SNTG1: variants seen among roughly 807,000 people sequenced by gnomAD.
The protein encoded by SNTG1 is gamma-1-syntrophin.
A neutral mutation model predicts 74.7 loss-of-function variants in SNTG1; 39 were observed. The observed-to-expected ratio is 0.52, with a 90% CI of 0.40 to 0.68. SNTG1 has a LOEUF of 0.68. Ranked by LOEUF, SNTG1 falls within the 30% of genes least tolerant of loss-of-function variation. The pLI, the probability that SNTG1 is intolerant of heterozygous loss-of-function variation, is 0.00. For synonymous variants in SNTG1, 254 were observed against 217.1 expected, an observed-to-expected ratio of 1.17 and a Z score of -1.49; for missense variants, 685 against 609.5, an observed-to-expected ratio of 1.12 and a Z score of -1.30.
At position 50,537,212 on chromosome 8, in the gene SNTG1, C is replaced by T. The variant is rs191406803; in HGVS notation, c.680+404C>T. 2.2e-3 allele frequency among the ~76,000 whole-genome samples: 336 copies of T among 152,280 alleles called. 2 individuals are homozygous for T. The highest frequency in any genetic ancestry group is 1.9e-3 in the Non-Finnish European group (128 of 68,022). ...TGATCTTAGCTCACTGCAACCTCCA[C>T]CTCCTGAGTTCAGGTGATCCTCCCA... On this transcript the variant is annotated intron_variant, in intron 11 of 18. Transcript: ENST00000642720.
chr8:50,455,510 G>C lies in SNTG1; in HGVS notation c.363+4781G>C, dbSNP rs2093496987. Among the ~76,000 whole-genome samples the C allele has an allele frequency of 2.0e-5, 3 of 152,278 alleles. No homozygotes were observed. In the South Asian group the frequency reaches 6.2e-4, roughly 32 times the overall value. The stretch of plus-strand genomic sequence containing the variant: ...GAACAGACTGAGTAACTAAAAGTAT[G>C]TAATTTAAAATGACACCTTCATACA... On this transcript the variant is annotated intron_variant, in intron 8 of 18. Coordinates refer to ENST00000642720, the MANE Select transcript of SNTG1 (RefSeq NM_018967.5).
In SNTG1 at chr8:50,113,628, G is replaced by A. The variant is rs549908813; in HGVS notation, c.-102-58933G>A. 6.6e-5 allele frequency among the ~76,000 whole-genome samples: 10 copies of A among 152,298 alleles called. 1 individual carries two copies. In the South Asian group the frequency reaches 2.1e-3, roughly 32 times the overall value. On this transcript the variant is annotated intron_variant, in intron 1 of 18. Coordinates refer to ENST00000642720, the MANE Select transcript of SNTG1 (RefSeq NM_018967.5). Reference sequence around the variant, plus strand: ...AGAACTTCCAACACTATGTTGAATAGGAGTGGTGAGAGAGGGCATCCCTGT... The same window carrying A: ...AGAACTTCCAACACTATGTTGAATAAGAGTGGTGAGAGAGGGCATCCCTGT...
chr8:49,937,110 C>CT (rs1808156133), intron 1 of SNTG1, among the ~76,000 whole-genome samples: 1 of 152,200 alleles, frequency 6.6e-6, no homozygotes, highest in Non-Finnish European at 1.5e-5. Flanking sequence ...GATAGCGCCA[C>CT]TGCACTCCAG....
intron 4 of SNTG1, among the ~76,000 whole-genome samples, chr8:50,437,681 T>C (rs2093318363): frequency 6.6e-6 from 1 of 152,172 alleles, no homozygotes; most frequent in Non-Finnish European, 1.5e-5. Flanking sequence ...GTGTCTCAAA[T>C]GATTCTGCAT....
chr8:49,923,815 A>G (rs1004168718), intron 1 of SNTG1, among the ~76,000 whole-genome samples: 1 of 152,208 alleles, frequency 6.6e-6, no homozygotes, highest in Non-Finnish European at 1.5e-5. Context: ...AGTGTTTTGA[A>G]CAAGGAGATC....
chr8:50,120,636 G>A (rs550050705), intron 1 of SNTG1, among the ~76,000 whole-genome samples: 1 of 141,138 alleles, frequency 7.1e-6, no homozygotes, highest in South Asian at 2.6e-4. Context: ...CATCACCTCT[G>A]TCACTACCAA....
intron 13 of SNTG1, among the ~76,000 whole-genome samples, chr8:50,641,889 TCA>T (rs1301331456): frequency 6.6e-6 from 1 of 152,160 alleles, no homozygotes; most frequent in Non-Finnish European, 1.5e-5. Context: ...TTGTACACAT[TCA>T]CAGTTTCAAG....
chr8:50,276,420 T>A (rs1260563630), intron 2 of SNTG1, among the ~76,000 whole-genome samples: 2 of 148,322 alleles, frequency 1.3e-5, no homozygotes, highest in African/African-American at 5.0e-5. Flanking sequence ...AATCATATAT[T>A]AACTAACTAA....
chr8:50,784,793 T>G (rs2095670017), intron 18 of SNTG1, among the ~76,000 whole-genome samples: 3 of 152,204 alleles, frequency 2.0e-5, no homozygotes, highest in African/African-American at 7.2e-5. Flanking sequence ...TAAGATCACT[T>G]GTATGTCAGG....
chr8:49,917,407 A>AGTTC (rs1806144238), intron 1 of SNTG1, among the ~76,000 whole-genome samples: 2 of 152,162 alleles, frequency 1.3e-5, no homozygotes, highest in Admixed American at 6.5e-5. Flanking sequence ...ATCAGACTTA[A>AGTTC]GTTCGAATCC....
intron 17 of SNTG1, among the ~76,000 whole-genome samples, chr8:50,735,767 G>A (rs1028662818): frequency 1.3e-5 from 2 of 151,910 alleles, no homozygotes; most frequent in East Asian, 1.9e-4. Context: ...AGGAAATACA[G>A]AGAACACCAC....
rs762076374 is a variant in SNTG1, at chr8:50,792,691, A to C, written c.1416A>C (p.Leu472Phe). The C allele has an allele frequency of 6.2e-7, 1 of 1,609,602 alleles. No individual in the cohort carries two copies. The highest frequency in any genetic ancestry group is 1.3e-5 in the African/African-American group (1 of 74,736). ...IEAKELEFSN[L>F]FAVLHCIHSF... The stretch of plus-strand genomic sequence containing the variant: ...TTCAGGAGTTGGAATTTTCTAATTT[A>C]TTTGCTGTTCTTCACTGCATTCATT... The change falls in exon 19 of 19, where the codon TTA (leucine) becomes TTC (phenylalanine). Residue 472 changes from leucine to phenylalanine, a missense_variant. By Grantham distance (22) the Leu-to-Phe change is conservative. Transcript: ENST00000642720.
intron 8 of SNTG1, among the ~76,000 whole-genome samples, chr8:50,451,167 G>A (rs1353145924): frequency 1.3e-5 from 2 of 151,554 alleles, no homozygotes; most frequent in African/African-American, 2.4e-5. Context: ...GAAAATATGT[G>A]GGGAAGAACA....
intron 17 of SNTG1, among the ~76,000 whole-genome samples, chr8:50,720,661 T>C (rs936494726): frequency 6.6e-6 from 1 of 152,174 alleles, no homozygotes; most frequent in Non-Finnish European, 1.5e-5. Flanking sequence ...AAACAGAAGA[T>C]TCATCAAGAC....
intron 2 of SNTG1, among the ~76,000 whole-genome samples, chr8:50,372,411 C>T (rs1415621552): frequency 6.6e-6 from 1 of 151,624 alleles, no homozygotes; most frequent in Non-Finnish European, 1.5e-5. Flanking sequence ...TTTCTTGTCC[C>T]CATGTACATA....
intron 2 of SNTG1, among the ~76,000 whole-genome samples, chr8:50,245,547 G>C (rs896606186): frequency 6.6e-5 from 10 of 152,044 alleles, no homozygotes; most frequent in Non-Finnish European, 7.4e-5. Flanking sequence ...GCTGGGCATG[G>C]TGGTGCATGC....
chr8:50,580,558 G>A (rs778546043), intron 12 of SNTG1, among the ~76,000 whole-genome samples: 54 of 152,132 alleles, frequency 3.5e-4, no homozygotes, highest in African/African-American at 1.1e-3. Flanking sequence ...CCAGTGGGAG[G>A]TAACTGAATC....
intron 2 of SNTG1, among the ~76,000 whole-genome samples, chr8:50,307,570 C>G (rs982403158): frequency 2.6e-5 from 4 of 151,554 alleles, no homozygotes; most frequent in Non-Finnish European, 5.9e-5. Context: ...AAAAAATATT[C>G]CTGTGTTTTA....
intron 15 of SNTG1, among the ~76,000 whole-genome samples, chr8:50,696,690 A>G (rs909868915): frequency 3.3e-5 from 5 of 152,034 alleles, no homozygotes; most frequent in Non-Finnish European, 7.4e-5. Context: ...ATGAAATAAG[A>G]TGTCCTTTAC....
Sources: gnomAD v4.1 joint callset for allele counts (sites outside exome capture counted in the v4.1 genomes callset) on GRCh38, gnomAD v4.1.1 for gene constraint, MANE v1.5 for transcripts, NCBI Gene and HGNC (gene_info 2026-07-23, HGNC 2026-07-21) for gene names.